SLC4A4: variants seen among roughly 807,000 people sequenced by gnomAD.
The protein encoded by SLC4A4 is solute carrier family 4 member 4, also known as electrogenic sodium bicarbonate cotransporter 1.
In SLC4A4, 27 loss-of-function variants were observed where a neutral mutation model predicts 111.5. The ratio of observed to expected loss-of-function variants is 0.24; its 90% CI spans 0.18 to 0.33. SLC4A4 has a LOEUF of 0.33. SLC4A4 is among the 10% of genes least tolerant of loss of function. SLC4A4 has a pLI of 1.00. For synonymous variants in SLC4A4, 443 were observed against 463.4 expected (o/e 0.96, Z 0.57); for missense variants, 909 against 1,315.5 (o/e 0.69, Z 4.78).
chr4:71,487,410 G>T (rs1347201888), intron 15 of SLC4A4, among the ~76,000 whole-genome samples: 2 of 151,588 alleles, frequency 1.3e-5, no homozygotes, highest in African/African-American at 4.8e-5. Context: ...ACCAAATGGT[G>T]CTGTGTTCTC....
At chr4:71,315,507 G>A (rs1726610808) in intron 3 of SLC4A4, among the ~76,000 whole-genome samples, 1 of 152,128 alleles carries the variant, frequency 6.6e-6, no homozygotes, top group Non-Finnish European at 1.5e-5. Flanking sequence ...CCATGGTACA[G>A]GCACTGATGT....
intron 1 of SLC4A4, among the ~76,000 whole-genome samples, chr4:71,086,098 T>A (rs1422861944): frequency 2.0e-5 from 3 of 151,606 alleles, no homozygotes; most frequent in African/African-American, 4.9e-5. Context: ...GGTTTGTAGT[T>A]CTCCTTGAAG....
intron 3 of SLC4A4, among the ~76,000 whole-genome samples, chr4:71,278,720 T>C (rs1271108132): frequency 6.6e-6 from 1 of 152,236 alleles, no homozygotes; most frequent in Non-Finnish European, 1.5e-5. Context: ...CTTGTACCTA[T>C]TGGTCATTTA....
chr4:71,404,462 T>G (rs1297355253), intron 7 of SLC4A4, among the ~76,000 whole-genome samples: 1 of 152,234 alleles, frequency 6.6e-6, no homozygotes, highest in Non-Finnish European at 1.5e-5. Context: ...TTGTAGCTAT[T>G]GCATATCTTA....
At chr4:71,086,022 C>T (rs1666732458) in intron 1 of SLC4A4, among the ~76,000 whole-genome samples, 1 of 151,988 alleles carries the variant, frequency 6.6e-6, no homozygotes, top group Admixed American at 6.6e-5. Context: ...GATATTGATT[C>T]TTCCTACCCA....
chr4:71,523,913 A>G (rs1288823158), intron 16 of SLC4A4, among the ~76,000 whole-genome samples: 2 of 152,116 alleles, frequency 1.3e-5, no homozygotes, highest in East Asian at 1.9e-4. Context: ...TTAGGACTTT[A>G]AACACCATCT....
intron 6 of SLC4A4, among the ~76,000 whole-genome samples, chr4:71,396,716 C>T (rs1438284308): frequency 6.6e-6 from 1 of 152,178 alleles, no homozygotes; most frequent in Non-Finnish European, 1.5e-5. Context: ...TTAACATGGT[C>T]TACTTGAAAA....
intron 2 of SLC4A4, among the ~76,000 whole-genome samples, chr4:71,155,228 T>C (rs566054608): frequency 1.3e-5 from 2 of 152,164 alleles, no homozygotes; most frequent in Non-Finnish European, 2.9e-5. Flanking sequence ...GTTAAACAAA[T>C]TGAGATGAAA....
chr4:71,152,101 T>G (rs1744327078), intron 2 of SLC4A4, among the ~76,000 whole-genome samples: 1 of 152,078 alleles, frequency 6.6e-6, no homozygotes, highest in Non-Finnish European at 1.5e-5. Flanking sequence ...CTATAAATAA[T>G]TTAAGAAAAT....
intron 2 of SLC4A4, among the ~76,000 whole-genome samples, chr4:71,145,342 A>C (rs1744132593): frequency 6.6e-6 from 1 of 152,128 alleles, no homozygotes; most frequent in Admixed American, 6.6e-5. Context: ...TGCTGGATTC[A>C]GTCTGCCAGT....
chr4:71,296,193 G>A (rs1279313691), intron 3 of SLC4A4, among the ~76,000 whole-genome samples: 2 of 151,780 alleles, frequency 1.3e-5, no homozygotes, highest in East Asian at 3.9e-4. Flanking sequence ...AAACAATATG[G>A]AAAATAAAAA....
chr4:71,390,318 G>A (rs1321936416), intron 6 of SLC4A4, among the ~76,000 whole-genome samples: 2 of 152,146 alleles, frequency 1.3e-5, no homozygotes, highest in African/African-American at 4.8e-5. Context: ...TAGAACTGAA[G>A]TAACTTGAAA....
chr4:71,440,700 C>T lies in SLC4A4; in HGVS notation c.892C>T (p.Pro298Ser), dbSNP rs749204335. The T allele has an allele frequency of 3.7e-6, 6 of 1,613,966 alleles. No individual in the cohort carries two copies. The highest frequency in any genetic ancestry group is 1.7e-6 in the Non-Finnish European group (2 of 1,179,988). The change falls in exon 8 of 26, where the codon CCT becomes TCT. Residue 298 changes from proline (P) to serine (S), a missense_variant. Pro to Ser is a moderately conservative substitution (Grantham distance 74, BLOSUM62 -1). Coordinates refer to ENST00000264485, the MANE Select transcript of SLC4A4 (RefSeq NM_001098484.3). Reference sequence around the variant, plus strand: ...TGGGGAGGTTGACTTTTTGGATACTCCTTTCATTGCCTTTGTTAGGCTACA... The same window carrying T: ...TGGGGAGGTTGACTTTTTGGATACTTCTTTCATTGCCTTTGTTAGGCTACA... Reference protein sequence around the residue: ...LVGEVDFLDTPFIAFVRLQQA... With the variant: ...LVGEVDFLDTSFIAFVRLQQA...
At chr4:71,177,435 T>C (rs1163954974) in intron 2 of SLC4A4, among the ~76,000 whole-genome samples, 1 of 151,950 alleles carries the variant, frequency 6.6e-6, no homozygotes, top group South Asian at 2.1e-4. Context: ...AGGAAACCCA[T>C]CTCAGGTGCA....
intron 9 of SLC4A4, 41 bp downstream of exon 9, chr4:71,447,774 T>A: frequency 7.9e-7 from 1 of 1,266,208 alleles, no homozygotes. Flanking sequence ...ATGTCCTACT[T>A]GTTTGTTGTC....
chr4:71,431,618 A>G (rs1012007219), intron 7 of SLC4A4, among the ~76,000 whole-genome samples: 2 of 151,994 alleles, frequency 1.3e-5, no homozygotes, highest in African/African-American at 4.8e-5. Flanking sequence ...CCTTCATAAT[A>G]TTTATTACAG....
At chr4:71,567,348 T>TCGTC (rs1244778329) in intron 25 of SLC4A4, among the ~76,000 whole-genome samples, 1 of 151,740 alleles carries the variant, frequency 6.6e-6, no homozygotes, top group Non-Finnish European at 1.5e-5. Context: ...AATTTCAGTA[T>TCGTC]CGTCCCTGAT....
chr4:71,390,743 G>A (rs924602932), intron 6 of SLC4A4, among the ~76,000 whole-genome samples: 2 of 152,036 alleles, frequency 1.3e-5, no homozygotes, highest in African/African-American at 4.8e-5. Flanking sequence ...TAGCCATGAT[G>A]AAGTTTATGT....
intron 3 of SLC4A4, among the ~76,000 whole-genome samples, chr4:71,268,020 T>C (rs1423003408): frequency 6.7e-6 from 1 of 149,094 alleles, no homozygotes; most frequent in Non-Finnish European, 1.5e-5. Context: ...TTACATCTTA[T>C]AACCTTTTCT....
Sources: gnomAD v4.1 joint callset for allele counts (sites outside exome capture counted in the v4.1 genomes callset) on GRCh38, gnomAD v4.1.1 for gene constraint, MANE v1.5 for transcripts, NCBI Gene and HGNC (gene_info 2026-07-23, HGNC 2026-07-21) for gene names.